Variants in TTC28 observed in about 807,000 individuals in gnomAD.
TTC28 encodes the protein tetratricopeptide repeat protein 28.
Under a neutral mutation model 198.0 loss-of-function variants are expected in TTC28, and 61 were observed. That is an observed-to-expected ratio of 0.31 (90% CI 0.25 to 0.38). The LOEUF (loss-of-function observed/expected upper bound fraction) is 0.38. Ranked by LOEUF, TTC28 falls within the 10% of genes least tolerant of loss-of-function variation. TTC28 has a pLI of 1.00. For missense variants in TTC28, 2,678 were observed against 3,164.0 expected (o/e 0.85, Z 3.69); for synonymous variants, 1,171 against 1,297.8 (o/e 0.90, Z 2.10).
chr22:28,063,008 G>T (rs556893635), intron 12 of TTC28, among the ~76,000 whole-genome samples: 1 of 152,170 alleles, frequency 6.6e-6, no homozygotes, highest in Non-Finnish European at 1.5e-5. Flanking sequence ...GGTAGATTTT[G>T]TTATACTCTT....
chr22:28,466,812 T>G (rs557566564), intron 2 of TTC28, among the ~76,000 whole-genome samples: 1 of 105,496 alleles, frequency 9.5e-6, no homozygotes, highest in South Asian at 4.1e-4. Context: ...TCACATTATA[T>G]ACATACATAC....
chr22:28,190,644 G>A (rs554348400), intron 5 of TTC28, among the ~76,000 whole-genome samples: 2 of 152,298 alleles, frequency 1.3e-5, no homozygotes, highest in East Asian at 3.9e-4. Context: ...CAACAATAAA[G>A]TAACAACAGA....
intron 2 of TTC28, among the ~76,000 whole-genome samples, chr22:28,579,493 GTA>G (rs2050201999): frequency 2.0e-5 from 3 of 147,636 alleles, no homozygotes; most frequent in South Asian, 4.2e-4. Flanking sequence ...ATAGTTATAT[GTA>G]TAGTTATATA....
chr22:28,216,906 G>T (rs1381038912), intron 5 of TTC28, among the ~76,000 whole-genome samples: 1 of 152,012 alleles, frequency 6.6e-6, no homozygotes, highest in Non-Finnish European at 1.5e-5. Flanking sequence ...TTTTTGTAGA[G>T]ACAGGGTCTT....
intron 2 of TTC28, among the ~76,000 whole-genome samples, chr22:28,504,233 C>G (rs1364996536): frequency 6.6e-6 from 1 of 152,108 alleles, no homozygotes. Flanking sequence ...CTTCTAGTAA[C>G]TGTCTTCATA....
rs554137953 is a variant in TTC28, at chr22:28,138,089, C to T, written c.1441+25003G>A. 1.0e-3 allele frequency among the ~76,000 whole-genome samples: 153 copies of T among 152,172 alleles called. 2 individuals are homozygous for T. Among genetic ancestry groups the T allele is most frequent in the African/African-American group, 3.3e-3 (139 of 41,514 alleles). ...TCAAGGGAAGGAGAATTAGGCTCTA[C>T]TTTTTGAAGGGAGATGTGTCAAGGA... On this transcript the variant is annotated intron_variant, in intron 6 of 22. Coordinates refer to ENST00000397906, the MANE Select transcript of TTC28 (RefSeq NM_001145418.2).
At chr22:28,274,550 C>T (rs1363450542) in intron 5 of TTC28, among the ~76,000 whole-genome samples, 2 of 152,058 alleles carry the variant, frequency 1.3e-5, no homozygotes, top group Non-Finnish European at 2.9e-5. Context: ...GAACTTGGTC[C>T]TATTTAAGAC....
intron 2 of TTC28, among the ~76,000 whole-genome samples, chr22:28,430,439 T>C (rs1457494765): frequency 1.3e-5 from 2 of 152,182 alleles, no homozygotes; most frequent in Admixed American, 1.3e-4. Context: ...AGTAAAGACA[T>C]GGCATTCTGA....
chr22:28,355,278 C>A (rs2046058287), intron 2 of TTC28, among the ~76,000 whole-genome samples: 1 of 152,000 alleles, frequency 6.6e-6, no homozygotes, highest in African/African-American at 2.4e-5. Flanking sequence ...AAGATATTTT[C>A]TTTGCAAAAG....
chr22:28,430,518 A>T (rs954043994), intron 2 of TTC28, among the ~76,000 whole-genome samples: 2 of 152,198 alleles, frequency 1.3e-5, no homozygotes, highest in Admixed American at 1.3e-4. Context: ...TACCCAAAGG[A>T]GTGCAAACAA....
chr22:28,461,462 A>C (rs1035197818), intron 2 of TTC28, among the ~76,000 whole-genome samples: 2 of 151,896 alleles, frequency 1.3e-5, no homozygotes, highest in Non-Finnish European at 2.9e-5. Context: ...TTTGAGACGA[A>C]GTCTCACTCT....
intron 2 of TTC28, among the ~76,000 whole-genome samples, chr22:28,588,804 T>A (rs2050370523): frequency 1.3e-5 from 2 of 152,228 alleles, no homozygotes; most frequent in African/African-American, 4.8e-5. Context: ...GAGTACTACT[T>A]TGCTGGTTAT....
intron 6 of TTC28, among the ~76,000 whole-genome samples, chr22:28,144,946 TTG>T (rs2146998688): frequency 6.6e-6 from 1 of 152,280 alleles, no homozygotes; most frequent in South Asian, 2.1e-4. Flanking sequence ...TCCTATGAAG[TTG>T]GGAGGAACCT....
intron 6 of TTC28, among the ~76,000 whole-genome samples, chr22:28,115,584 G>A (rs1942608122): frequency 6.6e-6 from 1 of 152,246 alleles, no homozygotes; most frequent in Non-Finnish European, 1.5e-5. Context: ...AATCCTAAAA[G>A]ATTAAGAAAT....
intron 2 of TTC28, among the ~76,000 whole-genome samples, chr22:28,584,879 A>G (rs2050291085): frequency 6.6e-6 from 1 of 152,232 alleles, no homozygotes; most frequent in African/African-American, 2.4e-5. Context: ...AAAAGTGCTC[A>G]TCAGATCTGA....
intron 1 of TTC28, among the ~76,000 whole-genome samples, chr22:28,642,314 A>C (rs1023098733): frequency 7.2e-5 from 11 of 152,006 alleles, no homozygotes; most frequent in Non-Finnish European, 1.6e-4. Flanking sequence ...TTGTGAACTT[A>C]GGTTAGGCAA....
intron 2 of TTC28, among the ~76,000 whole-genome samples, chr22:28,504,958 A>G (rs1449057404): frequency 6.6e-6 from 1 of 152,094 alleles, no homozygotes; most frequent in Non-Finnish European, 1.5e-5. Flanking sequence ...AAAAGTTTTA[A>G]AAGTTTAAAA....
chr22:28,653,109 T>C (rs2051588891), intron 1 of TTC28, among the ~76,000 whole-genome samples: 1 of 152,172 alleles, frequency 6.6e-6, no homozygotes. Context: ...GAGGAAGATT[T>C]CTCAGAGCTT....
chr22:28,313,613 A>G (rs1459194018), intron 2 of TTC28, among the ~76,000 whole-genome samples: 1 of 152,214 alleles, frequency 6.6e-6, no homozygotes, highest in Non-Finnish European at 1.5e-5. Context: ...GACAAAAACC[A>G]CATGATTATC....
Sources: gnomAD v4.1 joint callset for allele counts (sites outside exome capture counted in the v4.1 genomes callset) on GRCh38, gnomAD v4.1.1 for gene constraint, MANE v1.5 for transcripts, NCBI Gene and HGNC (gene_info 2026-07-23, HGNC 2026-07-21) for gene names.